The following NIPA1 variants were observed in gnomAD, a reference collection of about 807,000 sequenced individuals.
NIPA1 encodes the protein magnesium transporter NIPA1.
Under a neutral mutation model 23.9 loss-of-function variants are expected in NIPA1, and 13 were observed. That is an observed-to-expected ratio of 0.54 (90% CI 0.35 to 0.87). The LOEUF (loss-of-function observed/expected upper bound fraction) is 0.87. Ranked by LOEUF, NIPA1 falls within the 40% of genes least tolerant of loss-of-function variation. The probability of loss-of-function intolerance (pLI) is 0.01; values close to 1 mark genes in which losing one functional copy is unlikely to be tolerated. For missense variants in NIPA1, 362 were observed against 429.7 expected, an observed-to-expected ratio of 0.84 and a Z score of 1.39; for synonymous variants, 234 against 202.9, an observed-to-expected ratio of 1.15 and a Z score of -1.30.
intron 2 of NIPA1, 108 bp from the exon 3 acceptor site, chr15:22,812,055 G>A (rs1895328231): frequency 3.5e-6 from 3 of 849,904 alleles, no homozygotes; most frequent in Non-Finnish European, 3.9e-6. Flanking sequence ...CACAAGTAAT[G>A]TGAATGAAGT....
intron 1 of NIPA1, among the ~76,000 whole-genome samples, chr15:22,799,369 C>T (rs567333604): frequency 8.5e-5 from 13 of 152,248 alleles, no homozygotes; most frequent in African/African-American, 3.1e-4. Flanking sequence ...AACACATAGA[C>T]ATAAAGATGA....
At chr15:22,807,437 C>T (rs576867919) in intron 1 of NIPA1, among the ~76,000 whole-genome samples, 3 of 152,028 alleles carry the variant, frequency 2.0e-5, no homozygotes, top group Non-Finnish European at 4.4e-5. Context: ...AATAAAAGGA[C>T]AGCTGGATGT....
At position 22,806,564 on chromosome 15, in the gene NIPA1, C is replaced by T. The variant is rs923358313; in HGVS notation, c.179-4185C>T. Reference sequence around the variant, plus strand: ...TGCAGCTCCCTGTTGTTGCTGAGGCCGGAGGACCTGCAGATTAATAGAGGA... The same window carrying T: ...TGCAGCTCCCTGTTGTTGCTGAGGCTGGAGGACCTGCAGATTAATAGAGGA... On this transcript the variant is annotated intron_variant, in intron 1 of 4. Transcript: ENST00000337435. Among the ~76,000 whole-genome samples, 11 of 80,154 alleles carry T rather than the reference C, an allele frequency of 1.4e-4. 1 individual carries two copies. The highest frequency in any genetic ancestry group is 6.5e-4 in the South Asian group (2 of 3,072). The allele number at this position is 80,154 out of a possible 152,430, so 52.6% of individuals were successfully genotyped here. A position where few individuals can be genotyped will look rare whatever the true frequency, so the allele number is the denominator to read the frequency against.
intron 4 of NIPA1, among the ~76,000 whole-genome samples, chr15:22,820,722 C>T (rs1472104678): frequency 6.6e-6 from 1 of 152,158 alleles, no homozygotes; most frequent in Admixed American, 6.5e-5. Context: ...GGTATTCCTT[C>T]GGGTTCTCTT....
chr15:22,791,224 A>G (rs75846069), intron 1 of NIPA1, among the ~76,000 whole-genome samples: 1,635 of 152,204 alleles, frequency 0.011, 34 homozygotes, highest in African/African-American at 0.037. Flanking sequence ...TTCCAAGTCT[A>G]CTTTACTTCC....
At chr15:22,822,540 G>A (rs1191701114) in intron 4 of NIPA1, among the ~76,000 whole-genome samples, 2 of 152,158 alleles carry the variant, frequency 1.3e-5, no homozygotes, top group East Asian at 1.9e-4. Flanking sequence ...TTAAGAGAAT[G>A]TTTCTAGGCC....
At chr15:22,804,653 C>T (rs955130067) in intron 1 of NIPA1, among the ~76,000 whole-genome samples, 9 of 152,062 alleles carry the variant, frequency 5.9e-5, no homozygotes, top group Non-Finnish European at 1.2e-4. Context: ...TAAACTTCAA[C>T]GTTTTCTCTA....
At chr15:22,800,505 C>T (rs1253270969) in intron 1 of NIPA1, among the ~76,000 whole-genome samples, 1 of 151,974 alleles carries the variant, frequency 6.6e-6, no homozygotes, top group African/African-American at 2.4e-5. Context: ...AAAAATGAGG[C>T]AGTGGGCTGG....
At chr15:22,798,751 G>A (rs1179973206) in intron 1 of NIPA1, among the ~76,000 whole-genome samples, 1 of 148,588 alleles carries the variant, frequency 6.7e-6, no homozygotes, top group Non-Finnish European at 1.5e-5. Context: ...CAGGAGAATG[G>A]CGTGAACCCG....
intron 1 of NIPA1, among the ~76,000 whole-genome samples, chr15:22,792,407 G>A (rs921093650): frequency 3.3e-5 from 5 of 151,724 alleles, no homozygotes; most frequent in Admixed American, 6.6e-5. Flanking sequence ...TGCCCAGGCT[G>A]GAGTGCAGTG....
chr15:22,813,340 A>G (rs868415080), intron 3 of NIPA1, among the ~76,000 whole-genome samples: 8 of 151,960 alleles, frequency 5.3e-5, no homozygotes, highest in Middle Eastern at 6.8e-3. Flanking sequence ...CATCTTTTTA[A>G]TTGATACACA....
In NIPA1 at chr15:22,824,462, C is replaced by T; in HGVS notation, c.*223C>T. 1 of 566,206 alleles carries T rather than the reference C, an allele frequency of 1.8e-6. No individual in the cohort carries two copies. The highest frequency in any genetic ancestry group is 3.2e-6 in the Non-Finnish European group (1 of 316,442). 35.1% of individuals were successfully genotyped at this position (566,206 alleles called of 1,614,324 possible). A position where few individuals can be genotyped will look rare whatever the true frequency, so the allele number is the denominator to read the frequency against. On this transcript the variant is annotated 3_prime_UTR_variant, in exon 5 of 5. Transcript: ENST00000337435. The surrounding 1 kb of genome is among the most constrained non-coding windows in gnomAD (Gnocchi z 4.1). ...CCAACGGTTGCCTGGCACCATCTCT[C>T]TCTGATGAGACGAATCTCATTTTCA...
At chr15:22,817,394 G>T (rs1265947388) in intron 3 of NIPA1, among the ~76,000 whole-genome samples, 32 of 151,574 alleles carry the variant, frequency 2.1e-4, no homozygotes, top group Middle Eastern at 3.4e-3. Context: ...AGCCACTCGG[G>T]AGGCTGAGGC....
At chr15:22,801,056 A>G (rs1449488732) in intron 1 of NIPA1, among the ~76,000 whole-genome samples, 8 of 146,340 alleles carry the variant, frequency 5.5e-5, no homozygotes, top group African/African-American at 1.6e-4. Context: ...CTTGGGTGAC[A>G]AGAGTAAAAC....
intron 1 of NIPA1, among the ~76,000 whole-genome samples, chr15:22,803,643 G>A (rs989379420): frequency 6.8e-6 from 1 of 146,858 alleles, no homozygotes; most frequent in Non-Finnish European, 1.5e-5. Flanking sequence ...TGAGTAGCTG[G>A]GATTACAGGC....
chr15:22,798,936 C>T (rs1346608044), intron 1 of NIPA1, among the ~76,000 whole-genome samples: 2 of 151,542 alleles, frequency 1.3e-5, no homozygotes, highest in African/African-American at 4.9e-5. Flanking sequence ...TACATATCAC[C>T]CTTGGTTAAC....
At chr15:22,786,425 C>A (rs985443555), upstream of NIPA1, among the ~76,000 whole-genome samples, 2 of 151,522 alleles carry the variant, frequency 1.3e-5, no homozygotes, top group African/African-American at 4.9e-5. Context: ...CCGGGAACCC[C>A]CGCCCCACCC....
chr15:22,805,425 G>A (rs923919348), intron 1 of NIPA1, among the ~76,000 whole-genome samples: 20 of 151,968 alleles, frequency 1.3e-4, no homozygotes, highest in African/African-American at 4.6e-4. Context: ...GGTGGCTCAC[G>A]CCTGTAATCC....
chr15:22,792,987 G>T (rs570074052), intron 1 of NIPA1, among the ~76,000 whole-genome samples: 2 of 152,068 alleles, frequency 1.3e-5, no homozygotes, highest in Non-Finnish European at 2.9e-5. Context: ...GGTTGGTAGC[G>T]GGAGGCACAG....
Sources: allele counts gnomAD v4.1 joint callset (sites outside exome capture counted in the v4.1 genomes callset), GRCh38; gene constraint gnomAD v4.1.1; non-coding constraint Gnocchi (gnomAD v3.1); transcripts MANE v1.5; gene names NCBI Gene and HGNC (gene_info 2026-07-23, HGNC 2026-07-21).